Variants in DCDC1 observed in about 807,000 individuals in gnomAD.
DCDC1 encodes the protein doublecortin domain containing 1.
In DCDC1, 200 loss-of-function variants were observed where a neutral mutation model predicts 178.3. That is an observed-to-expected ratio of 1.12 (90% CI 1.00 to 1.26). The LOEUF is 1.26. Ranked by LOEUF, DCDC1 falls within the 50% of genes most tolerant of loss-of-function variation. The probability of loss-of-function intolerance (pLI) is 0.00; values close to 1 mark genes in which losing one functional copy is unlikely to be tolerated. For synonymous variants in DCDC1, 690 were observed against 604.8 expected (o/e 1.14, Z -2.07); for missense variants, 1,983 against 1,749.2 (o/e 1.13, Z -2.38).
intron 6 of DCDC1, among the ~76,000 whole-genome samples, chr11:31,298,680 C>T (rs1178022405): frequency 5.9e-5 from 9 of 152,164 alleles, no homozygotes; most frequent in Admixed American, 5.9e-4. Context: ...GCTTGCTTTT[C>T]TGTTAAAAGG....
rs183908884 is a variant in DCDC1 at position 30,949,480 on chromosome 11, T to C, written c.2715+2965A>G. Among the ~76,000 whole-genome samples, 5 of 152,288 alleles carry C rather than the reference T, an allele frequency of 3.3e-5. No individual in the cohort carries two copies. The East Asian group carries it at 9.6e-4, about 29-fold the overall frequency. Reference sequence around the variant, plus strand: ...CAAGGATCTAGAACCAGAAATGCCATATGACCCAGCAATCCCATTACTTGG... The same window carrying C: ...CAAGGATCTAGAACCAGAAATGCCACATGACCCAGCAATCCCATTACTTGG... On this transcript the variant is annotated intron_variant, in intron 21 of 38. Transcript: ENST00000684477.
At position 31,148,210 on chromosome 11, in the gene DCDC1, T is replaced by TAAAA. The variant is rs55829692; in HGVS notation, c.1222-10430_1222-10427dup. 6.6e-4 allele frequency among the ~76,000 whole-genome samples: 63 copies of TAAAA among 95,618 alleles called. 1 individual carries two copies. The highest frequency in any genetic ancestry group is 2.4e-3 in the African/African-American group (61 of 25,488). 62.7% of individuals were successfully genotyped at this position (95,618 alleles called of 152,430 possible). A position where few individuals can be genotyped will look rare whatever the true frequency, so the allele number is the denominator to read the frequency against. ...GTGTAAGAGCTAGAATTTATTATTA[T>TAAAA]AAAAAAAAAAAAAAAAAAAAAAAAC... is the stretch of plus-strand genomic sequence containing the variant. On this transcript the variant is annotated intron_variant, in intron 9 of 38. Coordinates refer to ENST00000684477, the MANE Select transcript of DCDC1 (RefSeq NM_001387274.1).
intron 15 of DCDC1, among the ~76,000 whole-genome samples, chr11:31,097,575 CCTACTT>C (rs1348145085): frequency 6.6e-6 from 1 of 152,120 alleles, no homozygotes; most frequent in African/African-American, 2.4e-5. Flanking sequence ...GACCAGTCCA[CCTACTT>C]CTAAGGCCAA....
At chr11:31,031,443 T>C (rs1275305516) in intron 20 of DCDC1, among the ~76,000 whole-genome samples, 1 of 152,112 alleles carries the variant, frequency 6.6e-6, no homozygotes, top group South Asian at 2.1e-4. Context: ...ATTATTATAC[T>C]TTTTTGGAGA....
At chr11:31,223,998 G>A (rs1285467088) in intron 9 of DCDC1, among the ~76,000 whole-genome samples, 1 of 151,954 alleles carries the variant, frequency 6.6e-6, no homozygotes. Flanking sequence ...TCCCATGCTA[G>A]TCTCATGATA....
chr11:31,055,663 A>C (rs987338351), intron 20 of DCDC1, among the ~76,000 whole-genome samples: 6 of 152,180 alleles, frequency 3.9e-5, no homozygotes, highest in Admixed American at 6.5e-5. Context: ...ATGGAATACT[A>C]CTCAGTCATA....
intron 25 of DCDC1, among the ~76,000 whole-genome samples, chr11:30,919,425 C>T (rs1946084735): frequency 6.6e-6 from 1 of 152,180 alleles, no homozygotes; most frequent in African/African-American, 2.4e-5. Flanking sequence ...CTTTTAACCT[C>T]AAGGACTCCA....
intron 9 of DCDC1, among the ~76,000 whole-genome samples, chr11:31,211,594 CG>C (rs1236218692): frequency 6.6e-6 from 1 of 152,048 alleles, no homozygotes; most frequent in Non-Finnish European, 1.5e-5. Context: ...GTTCTTTAAT[CG>C]GAAAAAATCC....
Position 30,871,179 on chromosome 11 carries a change from G to A in DCDC1, c.*41-5847C>T, listed in dbSNP as rs369757817. Among the ~76,000 whole-genome samples the A allele has an allele frequency of 2.0e-5, 3 of 152,230 alleles. No homozygotes were observed. In the East Asian group the frequency reaches 5.8e-4, roughly 29 times the overall value. On this transcript the variant is annotated intron_variant, in intron 38 of 38. Transcript: ENST00000684477. ...AAGGCAGGAAAAAATATAAACAGAAGCCGTTAAGCAACAGAAGCCATGAGT... is the reference window on the plus strand; with the variant it reads ...AAGGCAGGAAAAAATATAAACAGAAACCGTTAAGCAACAGAAGCCATGAGT...
At chr11:30,867,074 C>T (rs1326736575) in intron 38 of DCDC1, among the ~76,000 whole-genome samples, 2 of 152,132 alleles carry the variant, frequency 1.3e-5, no homozygotes, top group African/African-American at 2.4e-5. Context: ...GTTGGGCATC[C>T]AAATGTAGCT....
intron 8 of DCDC1, among the ~76,000 whole-genome samples, chr11:31,246,490 G>A (rs1348941977): frequency 2.0e-5 from 3 of 150,390 alleles, no homozygotes; most frequent in Non-Finnish European, 4.4e-5. Context: ...AAATGAAGTT[G>A]ACCTAAAAAG....
Position 30,900,442 on chromosome 11 carries a change from T to C in DCDC1, c.4567A>G (p.Ser1523Gly), listed in dbSNP as rs767235665. Residue 1523 changes from serine (S) to glycine (G), a missense_variant, in exon 33 of 39, where the codon AGT becomes GGT. Physicochemically the swap from Ser to Gly is moderately conservative, Grantham distance 56. Coordinates refer to ENST00000684477, the MANE Select transcript of DCDC1 (RefSeq NM_001387274.1). ...AAAGACTTGTCTATACCATCCAAAC[T>C]ATCGGATGTCACAGATTTTGCAAAT... ...RLFAKSVTSD[S>G]LDGIDKSLLT... 6.4e-7 allele frequency: 1 copy of C among 1,564,678 alleles called. No individual in the cohort carries two copies. The highest frequency in any genetic ancestry group is 1.8e-5 in the Admixed American group (1 of 54,340).
chr11:31,049,074 A>C, intron 20 of DCDC1, among the ~76,000 whole-genome samples: 1 of 152,238 alleles, frequency 6.6e-6, no homozygotes, highest in East Asian at 1.9e-4. Flanking sequence ...CCTATGTCAT[A>C]GTTTGGTTAA....
intron 8 of DCDC1, among the ~76,000 whole-genome samples, chr11:31,258,459 T>C (rs892958547): frequency 6.6e-6 from 1 of 152,142 alleles, no homozygotes; most frequent in African/African-American, 2.4e-5. Context: ...AGAGACTCAA[T>C]TGTGGCAAAC....
intron 20 of DCDC1, among the ~76,000 whole-genome samples, chr11:30,965,193 A>G (rs1949355392): frequency 1.3e-5 from 2 of 152,232 alleles, no homozygotes; most frequent in Admixed American, 1.3e-4. Flanking sequence ...GTGTACACAC[A>G]TAACTTAAAC....
At chr11:30,880,510 T>C (rs542819790) in intron 37 of DCDC1, among the ~76,000 whole-genome samples, 42 of 152,322 alleles carry the variant, frequency 2.8e-4, no homozygotes, top group African/African-American at 1.0e-3. Context: ...AACATAGGGA[T>C]GCCAGGCAAT....
chr11:30,968,247 T>A (rs147680229), intron 20 of DCDC1, among the ~76,000 whole-genome samples: 2,925 of 152,238 alleles, frequency 0.019, 49 homozygotes, highest in Non-Finnish European at 0.03. Flanking sequence ...CTGAGGGGTT[T>A]GAAGAGTCAA....
At chr11:30,974,424 A>C (rs1322999657) in intron 20 of DCDC1, among the ~76,000 whole-genome samples, 2 of 152,036 alleles carry the variant, frequency 1.3e-5, no homozygotes, top group African/African-American at 4.8e-5. Flanking sequence ...AATAAGAAGG[A>C]TCGACAAAAA....
At chr11:31,148,613 T>C (rs1035932072) in intron 9 of DCDC1, among the ~76,000 whole-genome samples, 2 of 152,104 alleles carry the variant, frequency 1.3e-5, no homozygotes, top group Admixed American at 6.6e-5. Context: ...CCTTTAAATA[T>C]AATACTCTTT....
Sources: gnomAD v4.1 joint callset for allele counts (sites outside exome capture counted in the v4.1 genomes callset) on GRCh38, gnomAD v4.1.1 for gene constraint, MANE v1.5 for transcripts, NCBI Gene and HGNC (gene_info 2026-07-23, HGNC 2026-07-21) for gene names.